ZNF160: variants seen among roughly 807,000 people sequenced by gnomAD.
The protein encoded by ZNF160 is KRAB zinc finger protein KR18.
Under a neutral mutation model 13.1 loss-of-function variants are expected in ZNF160, and 9 were observed. That is an observed-to-expected ratio of 0.69 (90% CI 0.41 to 1.20). ZNF160 has a LOEUF of 1.20. Among genes scored for constraint, ZNF160 ranks in the 50% most tolerant of loss-of-function variants. ZNF160 has a pLI of 0.01. For missense variants in ZNF160, 838 were observed against 988.0 expected (o/e 0.85, Z 2.04); for synonymous variants, 293 against 333.2 (o/e 0.88, Z 1.31).
chr19:53,103,083 G>A (rs947607779), intron 1 of ZNF160, among the ~76,000 whole-genome samples, 182 bp downstream of exon 1: 2 of 152,148 alleles, frequency 1.3e-5, no homozygotes, highest in African/African-American at 4.8e-5. Flanking sequence ...TAAGCGATGC[G>A]GGGCGGGAGG....
intron 1 of ZNF160, among the ~76,000 whole-genome samples, chr19:53,098,528 T>C (rs190540098): frequency 3.1e-3 from 476 of 151,640 alleles, no homozygotes; most frequent in Non-Finnish European, 4.3e-3. Context: ...CAGGTGAAGA[T>C]TGGCCGGATT....
rs576640263 is a variant in ZNF160 at position 53,070,318 on chromosome 19, A to G, written c.272-56T>C. ...AATTAATTACAGTATAGAAATAAAT[A>G]TTTTACATTGAAAACATATTCCACC... On this transcript the variant is annotated intron_variant, in intron 5 of 5. Coordinates refer to ENST00000683776, the MANE Select transcript of ZNF160 (RefSeq NM_001322131.2). The G allele has an allele frequency of 1.7e-5, 24 of 1,424,950 alleles. No homozygotes were observed. In the African/African-American group the frequency reaches 3.3e-4, roughly 20 times the overall value. 88.3% of individuals were successfully genotyped at this position (1,424,950 alleles called of 1,614,324 possible).
At chr19:53,090,193 G>A (rs1270356819) in intron 2 of ZNF160, among the ~76,000 whole-genome samples, 2 of 151,908 alleles carry the variant, frequency 1.3e-5, no homozygotes, top group Non-Finnish European at 2.9e-5. Flanking sequence ...CCACATTGCT[G>A]TCTGCCCTGA....
chr19:53,094,938 C>A (rs2085166836), intron 1 of ZNF160, among the ~76,000 whole-genome samples: 2 of 152,056 alleles, frequency 1.3e-5, no homozygotes, highest in Non-Finnish European at 2.9e-5. Context: ...CTTCCCACAG[C>A]CCAGGCTGCA....
chr19:53,081,101 T>A (rs1037712178), intron 3 of ZNF160, among the ~76,000 whole-genome samples: 5 of 152,104 alleles, frequency 3.3e-5, no homozygotes, highest in African/African-American at 4.8e-5. Context: ...ATATAAGACC[T>A]CCAACTATAA....
chr19:53,088,519 T>TA (rs1031584973), intron 2 of ZNF160, among the ~76,000 whole-genome samples: 178 of 143,592 alleles, frequency 1.2e-3, no homozygotes, highest in East Asian at 4.0e-3. Flanking sequence ...TATTTTTATT[T>TA]AAAAAAAAAA....
At chr19:53,090,220 C>T (rs2084983976) in intron 2 of ZNF160, among the ~76,000 whole-genome samples, 2 of 152,130 alleles carry the variant, frequency 1.3e-5, no homozygotes, top group African/African-American at 4.8e-5. Flanking sequence ...ATTCCTCCTC[C>T]TCTCCCCCAC....
chr19:53,071,375 A>C (rs1286999773), intron 5 of ZNF160, among the ~76,000 whole-genome samples: 2 of 151,352 alleles, frequency 1.3e-5, no homozygotes, highest in African/African-American at 2.4e-5. Flanking sequence ...ACATGGCAAA[A>C]CTCTGTCTCT....
chr19:53,071,693 T>C (rs547340580), intron 5 of ZNF160, among the ~76,000 whole-genome samples: 38 of 151,936 alleles, frequency 2.5e-4, no homozygotes, highest in African/African-American at 8.9e-4. Context: ...TCGGGCAGCC[T>C]AGATTCAAAC....
At chr19:53,077,993 G>A (rs1241947008) in intron 3 of ZNF160, among the ~76,000 whole-genome samples, 2 of 152,128 alleles carry the variant, frequency 1.3e-5, no homozygotes, top group East Asian at 3.9e-4. Context: ...TGTAATCCCA[G>A]CACTTTGGGA....
chr19:53,088,202 C>G (rs75829585), intron 2 of ZNF160, among the ~76,000 whole-genome samples: 3 of 152,006 alleles, frequency 2.0e-5, no homozygotes, highest in Non-Finnish European at 4.4e-5. Flanking sequence ...GCCAAGATAA[C>G]AGAAGAGGAA....
chr19:53,101,423 A>AATAT (rs35223076), intron 1 of ZNF160, among the ~76,000 whole-genome samples: 69,361 of 148,966 alleles, frequency 0.47, 17,239 homozygotes, highest in African/African-American at 0.62. Flanking sequence ...CCATTTTGAA[A>AATAT]ATATATATAT....
rs748568509 is a variant in ZNF160, at chr19:53,068,063, T to C, written c.*14A>G. ...TGTGAAAGGAGTGAATTGTACCTAATGACCTCACCACACTCATTTGTAAGG... is the reference window on the plus strand; with the variant it reads ...TGTGAAAGGAGTGAATTGTACCTAACGACCTCACCACACTCATTTGTAAGG... On this transcript the variant is annotated 3_prime_UTR_variant, in exon 6 of 6. Transcript: ENST00000683776. The C allele has an allele frequency of 6.3e-7, 1 of 1,581,620 alleles. No homozygotes were observed. The highest frequency in any genetic ancestry group is 8.6e-7 in the Non-Finnish European group (1 of 1,163,494).
chr19:53,091,197 A>T (rs999370954), intron 2 of ZNF160: 2 of 152,048 alleles, frequency 1.3e-5, no homozygotes, highest in Admixed American at 6.6e-5. Flanking sequence ...AAATATATAT[A>T]AAAAAAATTA....
intron 3 of ZNF160, among the ~76,000 whole-genome samples, chr19:53,083,717 T>C (rs1402701390): frequency 1.3e-5 from 2 of 152,062 alleles, no homozygotes; most frequent in Non-Finnish European, 1.5e-5. Flanking sequence ...CTGGGCAACA[T>C]AGTGAGACCC....
chr19:53,074,773 A>C (rs1354616247), intron 4 of ZNF160, among the ~76,000 whole-genome samples: 1 of 152,138 alleles, frequency 6.6e-6, no homozygotes, highest in Middle Eastern at 3.2e-3. Flanking sequence ...ACTTAATCCA[A>C]AGCAGAGAGG....
chr19:53,075,779 C>G (rs1037881000), intron 3 of ZNF160: 1 of 518,832 alleles, frequency 1.9e-6, no homozygotes, highest in Non-Finnish European at 3.8e-6. Context: ...GTGAGCCACT[C>G]AAGCAAACTA....
In ZNF160 at chr19:53,070,034, C is replaced by T. The variant is rs368869010; in HGVS notation, c.500G>A (p.Arg167His). 34 of 1,613,852 alleles carry T rather than the reference C, an allele frequency of 2.1e-5. No homozygotes were observed. In the Admixed American group the frequency reaches 2.5e-4, roughly 12 times the overall value. ...CTTGTTTTCTATGTCTCTTCTGTCG[C>T]GTTGATCTCTTTTACCTTCTTTCTG... ...MAQKEGKRDQ[R>H]DRRDIENKLM... Residue 167 changes from arginine (R) to histidine (H), a missense_variant, in exon 6 of 6, where the codon CGC becomes CAC. Transcript: ENST00000683776.
rs771763212 is a variant in ZNF160, at chr19:53,068,651, T to C, written c.1883A>G (p.Lys628Arg). 6 of 1,613,860 alleles carry C rather than the reference T, an allele frequency of 3.7e-6. No individual in the cohort carries two copies. The highest frequency in any genetic ancestry group is 4.5e-5 in the East Asian group (2 of 44,854). ...AAGGTATGAATTGTGCCTAAAAACC[T>C]TGCCGCATTCATGACATTTGTAAGG... ...EKPYKCHECGKVFRHNSYLAT... is the reference protein window; with the variant it reads ...EKPYKCHECGRVFRHNSYLAT... Residue 628 changes from lysine (K) to arginine (R), a missense_variant, in exon 6 of 6, where the codon AAG becomes AGG. Transcript: ENST00000683776.
Sources: gnomAD v4.1 joint callset for allele counts (sites outside exome capture counted in the v4.1 genomes callset) on GRCh38, gnomAD v4.1.1 for gene constraint, MANE v1.5 for transcripts, NCBI Gene and HGNC (gene_info 2026-07-23, HGNC 2026-07-21) for gene names.